TCF7L1: variants seen among roughly 807,000 people sequenced by gnomAD.
TCF7L1 encodes the protein transcription factor 7 like 1, also known as transcription factor 7-like 1.
A neutral mutation model predicts 63.7 loss-of-function variants in TCF7L1; 18 were observed. That is an observed-to-expected ratio of 0.28 (90% CI 0.20 to 0.42). The LOEUF (loss-of-function observed/expected upper bound fraction) is 0.42. TCF7L1 is among the 10% of genes least tolerant of loss of function. The probability of loss-of-function intolerance (pLI) is 1.00; values close to 1 mark genes in which losing one functional copy is unlikely to be tolerated. For missense variants in TCF7L1, 654 were observed against 779.3 expected (o/e 0.84, Z 1.91); for synonymous variants, 355 against 340.9 (o/e 1.04, Z -0.46).
At chr2:85,178,211 G>GA (rs1253677718) in intron 3 of TCF7L1, among the ~76,000 whole-genome samples, 1 of 152,112 alleles carries the variant, frequency 6.6e-6, no homozygotes, top group Non-Finnish European at 1.5e-5. Context: ...TTATTTAGAA[G>GA]AAAAAAACAC....
intron 10 of TCF7L1, among the ~76,000 whole-genome samples, chr2:85,307,268 CT>C (rs1229765290): frequency 1.3e-5 from 2 of 152,164 alleles, no homozygotes; most frequent in African/African-American, 4.8e-5. Flanking sequence ...TTCTTCTTTG[CT>C]TTTTTTCTGG....
At chr2:85,164,359 C>T (rs1678359737) in intron 3 of TCF7L1, among the ~76,000 whole-genome samples, 1 of 152,174 alleles carries the variant, frequency 6.6e-6, no homozygotes, top group African/African-American at 2.4e-5. Context: ...AGATGGGCCC[C>T]TCTTGCCTAA....
intron 3 of TCF7L1, among the ~76,000 whole-genome samples, chr2:85,158,485 T>G (rs1319096220): frequency 6.6e-6 from 1 of 152,126 alleles, no homozygotes; most frequent in Non-Finnish European, 1.5e-5. Context: ...TGAGCCTGTT[T>G]AAAAATAATG....
intron 4 of TCF7L1, among the ~76,000 whole-genome samples, chr2:85,289,300 T>A (rs1052578166): frequency 2.0e-5 from 3 of 151,922 alleles, no homozygotes; most frequent in Admixed American, 6.6e-5. Context: ...CCTGTCCAGG[T>A]AGATGCCTAA....
chr2:85,134,405 C>G lies in TCF7L1; in HGVS notation c.396C>G (p.Ser132Arg). The change falls in exon 3 of 12, where the codon AGC becomes AGG. Residue 132 changes from serine to arginine, a missense_variant. Coordinates refer to ENST00000282111, the MANE Select transcript of TCF7L1 (RefSeq NM_031283.3). The surrounding 1 kb of genome is among the most constrained non-coding windows in gnomAD (Gnocchi z 5.0). ...YPFLMIPDLSSPYLSNGPLSP... is the reference protein window; with the variant it reads ...YPFLMIPDLSRPYLSNGPLSP... ...TCCTGATGATCCCGGACCTGAGCAG[C>G]CCGTACCTCTCCAACGGACCCCTGT... The G allele has an allele frequency of 6.4e-7, 1 of 1,567,840 alleles. No homozygotes were observed. Among genetic ancestry groups the G allele is most frequent in the Non-Finnish European group, 8.7e-7 (1 of 1,155,714 alleles).
At chr2:85,233,556 T>C (rs6750175) in intron 3 of TCF7L1, among the ~76,000 whole-genome samples, 37,151 of 151,752 alleles carry the variant, frequency 0.24, 8,594 homozygotes, top group African/African-American at 0.61. Context: ...CCTCGTGATC[T>C]GCCCGCCTCA....
rs544024537 is a variant in TCF7L1, at chr2:85,201,863, T to C, written c.441+67413T>C. Among the ~76,000 whole-genome samples the C allele has an allele frequency of 8.5e-5, 13 of 152,358 alleles. No homozygotes were observed. In the South Asian group the frequency reaches 2.7e-3, roughly 32 times the overall value. On this transcript the variant is annotated intron_variant, in intron 3 of 11. Transcript: ENST00000282111. ...ACCTTTTCCTGATGGCTAATGAAGT[T>C]GGGTACCCTTTAATGTATTTATTGG... is the stretch of plus-strand genomic sequence containing the variant.
intron 3 of TCF7L1, among the ~76,000 whole-genome samples, chr2:85,227,251 T>G (rs997921862): frequency 6.6e-6 from 1 of 152,162 alleles, no homozygotes; most frequent in Non-Finnish European, 1.5e-5. Flanking sequence ...ATTGCTCTGC[T>G]CTGCTTACAC....
At chr2:85,164,736 C>A (rs1378240855) in intron 3 of TCF7L1, among the ~76,000 whole-genome samples, 1 of 152,188 alleles carries the variant, frequency 6.6e-6, no homozygotes, top group Non-Finnish European at 1.5e-5. Context: ...TGACTGTCAC[C>A]AGTAGCAATT....
chr2:85,153,340 A>ATATTTTTTTTTTTTTTTTTTTTTTTT lies in TCF7L1; in HGVS notation c.441+18891_441+18892insATTTTTTTTTTTTTTTTTTTTTTTTT, dbSNP rs750002994. ...TTCATGATCTTGCTAGCCTTTATAA[A>ATATTTTTTTTTTTTTTTTTTTTTTTT]TTTTTTTTTTTTTTTTTTTGAGATG... On this transcript the variant is annotated intron_variant, in intron 3 of 11. Coordinates refer to ENST00000282111, the MANE Select transcript of TCF7L1 (RefSeq NM_031283.3). Among the ~76,000 whole-genome samples, 18 of 102,268 alleles carry ATATTTTTTTTTTTTTTTTTTTTTTTT rather than the reference A, an allele frequency of 1.8e-4. 1 individual carries two copies. The highest frequency in any genetic ancestry group is 7.2e-4 in the African/African-American group (17 of 23,750). 67.1% of individuals were successfully genotyped at this position (102,268 alleles called of 152,430 possible).
chr2:85,294,856 G>A (rs985575983), intron 4 of TCF7L1, among the ~76,000 whole-genome samples: 2 of 151,826 alleles, frequency 1.3e-5, no homozygotes, highest in African/African-American at 4.8e-5. Context: ...AACATAGTGC[G>A]ACCTCACCTT....
At chr2:85,304,137 G>T in intron 6 of TCF7L1, 118 bp from the exon 7 acceptor site, 1 of 1,260,446 alleles carries the variant, frequency 7.9e-7, no homozygotes, top group Non-Finnish European at 1.1e-6. Context: ...CAGGCAGCGT[G>T]CTCCCAGCAT....
chr2:85,143,504 G>C (rs1184716735), intron 3 of TCF7L1, among the ~76,000 whole-genome samples: 1 of 152,208 alleles, frequency 6.6e-6, no homozygotes, highest in Non-Finnish European at 1.5e-5. Flanking sequence ...TAAGACTTTA[G>C]TGTTTTTCAT....
intron 3 of TCF7L1, among the ~76,000 whole-genome samples, chr2:85,263,974 G>C (rs1472661449): frequency 6.6e-6 from 1 of 152,222 alleles, no homozygotes; most frequent in African/African-American, 2.4e-5. Context: ...AGTGGCCTTA[G>C]CGAAAACAGG....
rs548206677 is a variant in TCF7L1 at position 85,283,992 on chromosome 2, C to CTGTTTT, written c.525+438_525+443dup. 9.7e-3 allele frequency among the ~76,000 whole-genome samples: 1,473 copies of CTGTTTT among 152,276 alleles called. 17 individuals carry two copies. The highest frequency in any genetic ancestry group is 0.032 in the African/African-American group (1,323 of 41,530). On this transcript the variant is annotated intron_variant, in intron 4 of 11. Coordinates refer to ENST00000282111, the MANE Select transcript of TCF7L1 (RefSeq NM_031283.3). Reference sequence around the variant, plus strand: ...CCAGGCAATAGTTGAAGAGGCTCTTCTGTTTTTGTTTTTGTTTTTGTTTTT... The same window carrying CTGTTTT: ...CCAGGCAATAGTTGAAGAGGCTCTTCTGTTTTTGTTTTTGTTTTTGTTTTTGTTTTT...
chr2:85,190,347 G>A (rs1264464478), intron 3 of TCF7L1, among the ~76,000 whole-genome samples: 1 of 152,322 alleles, frequency 6.6e-6, no homozygotes, highest in East Asian at 1.9e-4. Context: ...AAGGTGGGAA[G>A]TTGCCGTAGA....
At chr2:85,289,392 T>C (rs901451360) in intron 4 of TCF7L1, among the ~76,000 whole-genome samples, 3 of 152,202 alleles carry the variant, frequency 2.0e-5, no homozygotes, top group Admixed American at 2.0e-4. Context: ...TGGAAATGGT[T>C]GCAGTTCTCC....
rs1388118371 is a variant in TCF7L1 at position 85,259,260 on chromosome 2, G to A, written c.442-24235G>A. ...TTCTAAAACTGCTCTGTCAGTAAGC[G>A]CCCCGCCAATCCCCGTGTAAACATA... On this transcript the variant is annotated intron_variant, in intron 3 of 11. Transcript: ENST00000282111. 5.3e-5 allele frequency among the ~76,000 whole-genome samples: 8 copies of A among 152,296 alleles called. No homozygotes were observed. In the East Asian group the frequency reaches 1.3e-3, roughly 26 times the overall value.
chr2:85,203,070 C>T (rs1376546801), intron 3 of TCF7L1, among the ~76,000 whole-genome samples: 3 of 152,134 alleles, frequency 2.0e-5, no homozygotes, highest in African/African-American at 2.4e-5. Flanking sequence ...CTCCTGACCT[C>T]GTGATCCGCC....
Sources: gnomAD v4.1 joint callset for allele counts (sites outside exome capture counted in the v4.1 genomes callset) on GRCh38, gnomAD v4.1.1 for gene constraint, Gnocchi (gnomAD v3.1) non-coding constraint, MANE v1.5 for transcripts, NCBI Gene and HGNC (gene_info 2026-07-23, HGNC 2026-07-21) for gene names.